Variants in RAB5C observed in about 807,000 individuals in gnomAD.
RAB5C encodes ras-related protein Rab-5C.
A neutral mutation model predicts 25.2 loss-of-function variants in RAB5C; 4 were observed. The observed-to-expected ratio is 0.16, with a 90% CI of 0.08 to 0.36. The LOEUF is 0.36. Ranked by LOEUF, RAB5C falls within the 10% of genes least tolerant of loss-of-function variation. The pLI is 1.00. For missense variants in RAB5C, 199 were observed against 283.8 expected (o/e 0.70, Z 2.15); for synonymous variants, 100 against 106.4 (o/e 0.94, Z 0.37).
intron 1 of RAB5C, among the ~76,000 whole-genome samples, chr17:42,144,314 G>A (rs140989424): frequency 0.012 from 1,849 of 151,748 alleles, 39 homozygotes; most frequent in African/African-American, 0.042. Context: ...AAAATTAGCC[G>A]GGCATGGTGG....
intron 1 of RAB5C, among the ~76,000 whole-genome samples, chr17:42,133,156 C>T (rs1568020098): frequency 1.3e-5 from 2 of 152,170 alleles, no homozygotes; most frequent in Admixed American, 1.3e-4. Flanking sequence ...AGGGCGACAG[C>T]AACAGAGGGA....
chr17:42,154,444 G>A (rs2144108529), intron 1 of RAB5C, among the ~76,000 whole-genome samples: 1 of 152,228 alleles, frequency 6.6e-6, no homozygotes, highest in East Asian at 1.9e-4. Flanking sequence ...TCACCCAGAC[G>A]ACCCCCCTCC....
At chr17:42,131,842 G>T in intron 1 of RAB5C, 2 of 507,416 alleles carry the variant, frequency 3.9e-6, no homozygotes, top group Non-Finnish European at 7.1e-6. Flanking sequence ...ATAAGTGGAT[G>T]TCTCATCAGA....
intron 1 of RAB5C, among the ~76,000 whole-genome samples, chr17:42,139,374 G>T (rs959738504): frequency 2.0e-5 from 3 of 152,240 alleles, no homozygotes; most frequent in Non-Finnish European, 4.4e-5. Flanking sequence ...AAGGCACCAG[G>T]GGGGCCAGGC....
chr17:42,143,748 G>A (rs914149344), intron 1 of RAB5C, among the ~76,000 whole-genome samples: 2 of 152,192 alleles, frequency 1.3e-5, no homozygotes, highest in African/African-American at 4.8e-5. Context: ...GGGCAAAGCT[G>A]AAACATTTTG....
chr17:42,130,566 A>G lies in RAB5C; in HGVS notation c.-64T>C. The G allele has an allele frequency of 1.3e-6, 2 of 1,595,242 alleles. No homozygotes were observed. Among genetic ancestry groups the G allele is most frequent in the African/African-American group, 2.7e-5 (2 of 74,764 alleles). On this transcript the variant is annotated 5_prime_UTR_variant, in exon 2 of 6. Transcript: ENST00000346213. ...GGGGACTGGTGCTATGCAAAGAGGCACTTAGTGGGGAGGGGGACCTCCAAC... is the reference window on the plus strand; with the variant it reads ...GGGGACTGGTGCTATGCAAAGAGGCGCTTAGTGGGGAGGGGGACCTCCAAC...
chr17:42,148,403 C>CA (rs71228786), intron 1 of RAB5C, among the ~76,000 whole-genome samples: 2,697 of 56,744 alleles, frequency 0.048, 164 homozygotes, highest in African/African-American at 0.12. Flanking sequence ...GACTCCATCT[C>CA]AAAAAAAAAA....
intron 1 of RAB5C, chr17:42,138,028 G>A (rs1223622390): frequency 6.6e-6 from 1 of 152,198 alleles, no homozygotes; most frequent in Non-Finnish European, 1.5e-5. Context: ...TATATATTAA[G>A]GATATATTTA....
chr17:42,130,667 T>G (rs2054476384), intron 1 of RAB5C, 77 bp from the exon 2 acceptor site: 3 of 1,438,754 alleles, frequency 2.1e-6, no homozygotes, highest in Non-Finnish European at 2.8e-6. Flanking sequence ...TTACAGATCT[T>G]TCCCTCTGGC....
Position 42,125,601 on chromosome 17 carries a change from G to T in RAB5C, c.*182C>A. The T allele has an allele frequency of 1.7e-6, 1 of 576,648 alleles. No individual in the cohort carries two copies. The highest frequency in any genetic ancestry group is 2.9e-5 in the East Asian group (1 of 34,908). 35.7% of individuals were successfully genotyped at this position (576,648 alleles called of 1,614,324 possible). A position where few individuals can be genotyped will look rare whatever the true frequency, so the allele number is the denominator to read the frequency against. ...TTAAAATTGAATTAGTATTTGTACA[G>T]AAAGGTGCAGGTGGAATGACTCACT... On this transcript the variant is annotated 3_prime_UTR_variant, in exon 6 of 6. Coordinates refer to ENST00000346213, the MANE Select transcript of RAB5C (RefSeq NM_004583.4).
chr17:42,150,544 C>CAAAAAAAAAA (rs759878778), intron 1 of RAB5C, among the ~76,000 whole-genome samples: 2 of 19,382 alleles, frequency 1.0e-4, no homozygotes, highest in African/African-American at 4.7e-4. Context: ...AACTCCATCT[C>CAAAAAAAAAA]AAAAAAAAAA....
Position 42,125,714 on chromosome 17 carries a change from T to C in RAB5C, c.*69A>G, listed in dbSNP as rs2054413967. On this transcript the variant is annotated 3_prime_UTR_variant, in exon 6 of 6. Coordinates refer to ENST00000346213, the MANE Select transcript of RAB5C (RefSeq NM_004583.4). ...GGTGGCCCGAGTCGTTAAGTGCGAT[T>C]GGTTAGAGTGGATTCCAGTCGGGTC... 8.7e-7 allele frequency: 1 copy of C among 1,144,882 alleles called. No individual in the cohort carries two copies. The highest frequency in any genetic ancestry group is 1.3e-5 in the South Asian group (1 of 74,420). 70.9% of individuals were successfully genotyped at this position (1,144,882 alleles called of 1,614,324 possible).
At chr17:42,131,232 T>A (rs1409535206) in intron 1 of RAB5C, among the ~76,000 whole-genome samples, 1 of 152,202 alleles carries the variant, frequency 6.6e-6, no homozygotes, top group African/African-American at 2.4e-5. Context: ...CTGGACTGTG[T>A]GCCTCTGTGC....
chr17:42,139,457 G>C (rs937561625), intron 1 of RAB5C, among the ~76,000 whole-genome samples: 6 of 152,206 alleles, frequency 3.9e-5, no homozygotes, highest in Non-Finnish European at 8.8e-5. Context: ...CAGTCAGCAA[G>C]GTTGTGGCAG....
chr17:42,126,956 G>A, intron 4 of RAB5C, 108 bp from the exon 5 acceptor site: 2 of 658,658 alleles, frequency 3.0e-6, no homozygotes, highest in Admixed American at 2.3e-5. Flanking sequence ...TCATAATAGA[G>A]ATCAGCTGGA....
At chr17:42,145,223 G>A (rs1293039780) in intron 1 of RAB5C, among the ~76,000 whole-genome samples, 2 of 151,962 alleles carry the variant, frequency 1.3e-5, no homozygotes, top group East Asian at 1.9e-4. Context: ...TAGCTACTCC[G>A]CCCTCAACAA....
At position 42,126,839 on chromosome 17, in the gene RAB5C, C is replaced by CAAACTG; in HGVS notation, c.450_451insCAGTTT (p.Gln150_Ala151insGlnPhe). On this transcript the variant is annotated inframe_insertion, in exon 5 of 6. Coordinates refer to ENST00000346213, the MANE Select transcript of RAB5C (RefSeq NM_004583.4). Reference sequence around the variant, plus strand: ...AGCAAACTGTTGTCGTCTGCATAGGCTTGTGCTTCCTGGTTTGGATGGAGG... The same window carrying CAAACTG: ...AGCAAACTGTTGTCGTCTGCATAGGCAAACTGTTGTGCTTCCTGGTTTGGATGGAGG... 6.2e-7 allele frequency: 1 copy of CAAACTG among 1,610,164 alleles called. No homozygotes were observed. The highest frequency in any genetic ancestry group is 8.5e-7 in the Non-Finnish European group (1 of 1,176,896).
chr17:42,149,942 A>C (rs1339529021), intron 1 of RAB5C, among the ~76,000 whole-genome samples: 1 of 145,060 alleles, frequency 6.9e-6, no homozygotes, highest in African/African-American at 2.6e-5. Flanking sequence ...GCAGTGGTGC[A>C]ATCTCGGCTC....
At chr17:42,143,514 G>C (rs1174173492) in intron 1 of RAB5C, among the ~76,000 whole-genome samples, 1 of 152,008 alleles carries the variant, frequency 6.6e-6, no homozygotes, top group Non-Finnish European at 1.5e-5. Context: ...GCGTGCACCT[G>C]TAATCCCAGC....
Sources: gnomAD v4.1 joint callset for allele counts (sites outside exome capture counted in the v4.1 genomes callset) on GRCh38, gnomAD v4.1.1 for gene constraint, MANE v1.5 for transcripts, NCBI Gene and HGNC (gene_info 2026-07-23, HGNC 2026-07-21) for gene names.